The following TLK1 variants were observed in gnomAD, a reference collection of about 807,000 sequenced individuals.
The protein encoded by TLK1 is tousled like kinase 1.
A neutral mutation model predicts 105.3 loss-of-function variants in TLK1; 24 were observed. That is an observed-to-expected ratio of 0.23 (90% CI 0.17 to 0.32). TLK1 has a LOEUF of 0.32. Ranked by LOEUF, TLK1 falls within the 10% of genes least tolerant of loss-of-function variation. The pLI is 1.00. For synonymous variants in TLK1, 321 were observed against 310.4 expected (o/e 1.03, Z -0.36); for missense variants, 558 against 910.5 (o/e 0.61, Z 4.98).
At chr2:171,013,006 T>A (rs529353985) in intron 13 of TLK1, among the ~76,000 whole-genome samples, 1 of 114,838 alleles carries the variant, frequency 8.7e-6, no homozygotes, top group African/African-American at 2.7e-5. Context: ...CCATATGCTC[T>A]ATTAGATTTT....
chr2:171,155,494 C>G lies in TLK1; in HGVS notation c.139+4796G>C, dbSNP rs889678015. 2.0e-5 allele frequency: 3 copies of G among 152,230 alleles called. No homozygotes were observed. The East Asian group carries it at 5.8e-4, about 29-fold the overall frequency. 9.4% of individuals were successfully genotyped at this position (152,230 alleles called of 1,614,324 possible). A position where few individuals can be genotyped will look rare whatever the true frequency, so the allele number is the denominator to read the frequency against. ...AGTCAACAACAACAGTAGTTTCATA[C>G]TACTGACTTGCAAGAACATTCAAAA... On this transcript the variant is annotated intron_variant, in intron 1 of 20. Coordinates refer to ENST00000431350, the MANE Select transcript of TLK1 (RefSeq NM_012290.5).
At chr2:171,224,783 A>G (rs1434663733) in intron 1 of TLK1, among the ~76,000 whole-genome samples, 1 of 152,246 alleles carries the variant, frequency 6.6e-6, no homozygotes, top group Non-Finnish European at 1.5e-5. Context: ...TGGAAGAGTC[A>G]CATTTCTTAG....
intron 13 of TLK1, among the ~76,000 whole-genome samples, chr2:171,013,316 CACT>C (rs1685014575): frequency 7.7e-6 from 1 of 130,242 alleles, no homozygotes; most frequent in Non-Finnish European, 1.6e-5. Flanking sequence ...CCTGGCCCCT[CACT>C]TTTTTTTTTT....
At chr2:171,152,638 AT>A (rs1380905822) in intron 1 of TLK1, among the ~76,000 whole-genome samples, 15 of 152,178 alleles carry the variant, frequency 9.9e-5, no homozygotes, top group African/African-American at 3.6e-4. Flanking sequence ...ACTGAATACT[AT>A]TAACAGAGTC....
At chr2:171,225,636 T>C (rs976236873) in intron 1 of TLK1, among the ~76,000 whole-genome samples, 2 of 152,032 alleles carry the variant, frequency 1.3e-5, no homozygotes, top group African/African-American at 4.8e-5. Context: ...GAACTGAAAA[T>C]GTATGTCCAC....
At chr2:171,020,538 A>AAAAAAAAAAGAAAAAAAG (rs1426774701) in intron 12 of TLK1, among the ~76,000 whole-genome samples, 2 of 149,678 alleles carry the variant, frequency 1.3e-5, no homozygotes, top group African/African-American at 4.9e-5. Flanking sequence ...AGACTGTCTA[A>AAAAAAAAAAGAAAAAAAG]AAAAAAAAAG....
At chr2:171,162,310 T>G (rs1285661656), upstream of TLK1, among the ~76,000 whole-genome samples, 3 of 152,102 alleles carry the variant, frequency 2.0e-5, no homozygotes, top group Admixed American at 2.0e-4. Context: ...GAGGCCGAGG[T>G]GGGCGGATCA....
intron 3 of TLK1, among the ~76,000 whole-genome samples, chr2:171,075,358 C>A (rs1558926630): frequency 6.6e-6 from 1 of 151,982 alleles, no homozygotes; most frequent in Non-Finnish European, 1.5e-5. Flanking sequence ...GAAAAATACA[C>A]AGTAATTTAA....
chr2:171,003,835 G>A (rs1033690414), intron 18 of TLK1, among the ~76,000 whole-genome samples: 4 of 152,140 alleles, frequency 2.6e-5, no homozygotes, highest in East Asian at 1.9e-4. Flanking sequence ...GTTTGTATAC[G>A]TTTTGATAAA....
intron 1 of TLK1, among the ~76,000 whole-genome samples, chr2:171,129,159 C>T (rs1690993997): frequency 6.6e-6 from 1 of 152,182 alleles, no homozygotes; most frequent in South Asian, 2.1e-4. Flanking sequence ...TTGTCTCTAA[C>T]CTAAGTACTC....
chr2:171,086,438 C>T (rs1688975520), intron 2 of TLK1, among the ~76,000 whole-genome samples: 1 of 151,958 alleles, frequency 6.6e-6, no homozygotes, highest in South Asian at 2.1e-4. Context: ...CCAGCCTGGC[C>T]AACATAGTGA....
intron 11 of TLK1, among the ~76,000 whole-genome samples, chr2:171,034,904 T>C (rs957799087): frequency 3.9e-5 from 6 of 152,162 alleles, no homozygotes; most frequent in Non-Finnish European, 8.8e-5. Context: ...ATGGTTTGGC[T>C]GTGTCCCCAC....
At chr2:171,090,036 C>T (rs969704131) in intron 2 of TLK1, among the ~76,000 whole-genome samples, 1 of 152,120 alleles carries the variant, frequency 6.6e-6, no homozygotes, top group African/African-American at 2.4e-5. Context: ...AGCTACAAAT[C>T]GATTTAGTAA....
chr2:171,147,870 T>C (rs1459466715), intron 1 of TLK1, among the ~76,000 whole-genome samples: 2 of 152,134 alleles, frequency 1.3e-5, no homozygotes, highest in Non-Finnish European at 2.9e-5. Flanking sequence ...GCAGTGTTTA[T>C]ACTTTGTATT....
At position 170,997,759 on chromosome 2, in the gene TLK1, C is replaced by A; in HGVS notation, c.1969G>T (p.Val657Leu). Residue 657 changes from valine (V) to leucine (L), a missense_variant, in exon 19 of 21, where the codon GTA (valine) becomes TTA (leucine). Around this residue, in one of 5 missense-constraint regions of TLK1, gnomAD observed 218 missense variants for 492.9 expected, o/e 0.44. Coordinates refer to ENST00000431350, the MANE Select transcript of TLK1 (RefSeq NM_012290.5). The stretch of plus-strand genomic sequence containing the variant: ...AAGAAGATGACTCCAACCGACCATA[C>A]ATCAACCTTGTTGGAAATCTTTGGT... Reference protein sequence around the residue: ...EPPKISNKVDVWSVGVIFFQC... With the variant: ...EPPKISNKVDLWSVGVIFFQC... The A allele has an allele frequency of 6.2e-7, 1 of 1,610,310 alleles. No homozygotes were observed. Among genetic ancestry groups the A allele is most frequent in the Non-Finnish European group, 8.5e-7 (1 of 1,177,850 alleles).
intron 3 of TLK1, among the ~76,000 whole-genome samples, chr2:171,072,171 A>G (rs1575573952): frequency 6.6e-6 from 1 of 152,342 alleles, no homozygotes; most frequent in East Asian, 1.9e-4. Flanking sequence ...CATTAAACCT[A>G]TAGATTGCTC....
In TLK1 at chr2:171,216,026, A is replaced by G. The variant is rs774744532; in HGVS notation, c.-6+15119T>C. 1.6e-4 allele frequency among the ~76,000 whole-genome samples: 25 copies of G among 152,306 alleles called. No homozygotes were observed. The Middle Eastern group carries it at 0.014, about 83-fold the overall frequency. ...ATTAGTTCACTTAATCCTTATAACA[A>G]TTCTGTAAATTCTGTTATTATCTCC... On this transcript the variant is annotated intron_variant, in intron 1 of 20. Transcript: ENST00000521943.
At chr2:171,075,862 ATGGTTTGAC>A (rs1408198972) in intron 3 of TLK1, among the ~76,000 whole-genome samples, 1 of 152,210 alleles carries the variant, frequency 6.6e-6, no homozygotes, top group Non-Finnish European at 1.5e-5. Flanking sequence ...TGAAGGTGCT[ATGGTTTGAC>A]TATGTGCCCT....
chr2:171,056,820 T>C (rs1362715244), intron 5 of TLK1, among the ~76,000 whole-genome samples: 1 of 151,936 alleles, frequency 6.6e-6, no homozygotes, highest in Non-Finnish European at 1.5e-5. Flanking sequence ...CATCTGTTAT[T>C]TTGGTCAACT....
Sources: gnomAD v4.1 joint callset for allele counts (sites outside exome capture counted in the v4.1 genomes callset) on GRCh38, gnomAD v4.1.1 for gene constraint, gnomAD v4.1.1 regional missense constraint, MANE v1.5 for transcripts, NCBI Gene and HGNC (gene_info 2026-07-23, HGNC 2026-07-21) for gene names.